PRSS1: variants seen among roughly 807,000 people sequenced by gnomAD.
PRSS1 encodes the protein serine protease 1.
A neutral mutation model predicts 24.2 loss-of-function variants in PRSS1; 22 were observed. That is an observed-to-expected ratio of 0.91 (90% CI 0.65 to 1.30). The LOEUF is 1.30. PRSS1 is among the 50% of genes most tolerant of loss of function. PRSS1 has a pLI of 0.00. For synonymous variants in PRSS1, 126 were observed against 116.1 expected (o/e 1.08, Z -0.55); for missense variants, 366 against 304.2 (o/e 1.20, Z -1.51).
In PRSS1 at chr7:142,750,992, C is replaced by T. The variant is rs749255147; in HGVS notation, c.200+278C>T. 3 of 569,414 alleles carry T rather than the reference C, an allele frequency of 5.3e-6. No homozygotes were observed. In the Admixed American group the frequency reaches 7.8e-5, roughly 15 times the overall value. The allele number at this position is 569,414 out of a possible 1,614,324, so 35.3% of individuals were successfully genotyped here. A position where few individuals can be genotyped will look rare whatever the true frequency, so the allele number is the denominator to read the frequency against. On this transcript the variant is annotated intron_variant, in intron 2 of 4. Coordinates refer to ENST00000311737, the MANE Select transcript of PRSS1 (RefSeq NM_002769.5). ...GCTAGTGAGAAAAGCAGGCAAGTAT[C>T]TTTTGCTGGTTAGCTACACATTAAA...
chr7:142,750,525 T>G, intron 1 of PRSS1, 30 bp from the exon 2 acceptor site: 1 of 1,613,998 alleles, frequency 6.2e-7, no homozygotes, highest in Non-Finnish European at 8.5e-7. Context: ...TGCTATTGAC[T>G]TGCCTTCTCC....
chr7:142,751,687 A>G, intron 2 of PRSS1, 87 bp from the exon 3 acceptor site: 1 of 1,612,892 alleles, frequency 6.2e-7, no homozygotes, highest in African/African-American at 1.3e-5. Context: ...GCTGTCCATG[A>G]GCAGAGAGCT....
intron 2 of PRSS1, 190 bp from the exon 3 acceptor site, chr7:142,751,584 G>GA (rs1798735342): frequency 1.1e-6 from 1 of 898,572 alleles, no homozygotes; most frequent in Non-Finnish European, 1.6e-6. Flanking sequence ...CCAACCTCTG[G>GA]AGCAGATAGG....
At chr7:142,750,430 C>A in intron 1 of PRSS1, 125 bp from the exon 2 acceptor site, 1 of 1,538,190 alleles carries the variant, frequency 6.5e-7, no homozygotes, top group Non-Finnish European at 9.0e-7. Flanking sequence ...TGGCAGAGCT[C>A]CCTCCCTTGC....
At chr7:142,749,570 T>C in intron 1 of PRSS1, 46 bp downstream of exon 1, 1 of 1,590,342 alleles carries the variant, frequency 6.3e-7, no homozygotes, top group African/African-American at 1.4e-5. Flanking sequence ...CCCCCGTTCC[T>C]GGCCGACAAA....
At chr7:142,749,867 T>G (rs893896229) in intron 1 of PRSS1, among the ~76,000 whole-genome samples, 11 of 152,214 alleles carry the variant, frequency 7.2e-5, no homozygotes, top group Admixed American at 1.3e-4. Flanking sequence ...TAACCTCGAA[T>G]GCACCTGGGG....
chr7:142,750,633 C>G lies in PRSS1; in HGVS notation c.119C>G (p.Ser40Cys), dbSNP rs768277012. 19 of 1,613,910 alleles carry G rather than the reference C, an allele frequency of 1.2e-5. No homozygotes were observed. The highest frequency in any genetic ancestry group is 1.5e-5 in the Non-Finnish European group (18 of 1,179,876). ...CEENSVPYQV[S>C]LNSGYHFCGG... ...GAGAATTCTGTCCCCTACCAGGTGT[C>G]CCTGAATTCTGGCTACCACTTCTGT... The change falls in exon 2 of 5, where the codon TCC (serine) becomes TGC (cysteine). Residue 40 changes from serine (S) to cysteine (C), a missense_variant. Ser to Cys is a moderately radical substitution (Grantham distance 112, BLOSUM62 -1). Coordinates refer to ENST00000311737, the MANE Select transcript of PRSS1 (RefSeq NM_002769.5).
intron 2 of PRSS1, chr7:142,751,250 C>A (rs934399248): frequency 2.8e-5 from 17 of 618,040 alleles, no homozygotes; most frequent in African/African-American, 2.0e-4. Context: ...TCACTGGGCC[C>A]CTTCCCCAAG....
Position 142,751,820 on chromosome 7 carries a change from G to C in PRSS1, c.247G>C (p.Gly83Arg), listed in dbSNP as rs372411481. The C allele has an allele frequency of 1.1e-4, 175 of 1,613,964 alleles. No individual in the cohort carries two copies. Among genetic ancestry groups the C allele is most frequent in the Non-Finnish European group, 1.4e-4 (168 of 1,180,010 alleles). ...AGAGCACAACATCGAAGTCCTGGAG[G>C]GGAATGAGCAGTTCATCAATGCAGC... is the stretch of plus-strand genomic sequence containing the variant. ...LGEHNIEVLE[G>R]NEQFINAAKI... The change falls in exon 3 of 5, where the codon GGG (glycine) becomes CGG (arginine). Residue 83 changes from glycine (G) to arginine (R), a missense_variant. Coordinates refer to ENST00000311737, the MANE Select transcript of PRSS1 (RefSeq NM_002769.5).
chr7:142,750,134 C>A (rs1315160172), intron 1 of PRSS1, among the ~76,000 whole-genome samples: 1 of 151,870 alleles, frequency 6.6e-6, no homozygotes, highest in Non-Finnish European at 1.5e-5. Flanking sequence ...GTGGTCATGG[C>A]CAGGTCTATG....
intron 4 of PRSS1, 59 bp downstream of exon 4, chr7:142,752,626 G>C: frequency 2.5e-6 from 4 of 1,613,422 alleles, no homozygotes; most frequent in South Asian, 1.1e-5. Flanking sequence ...CCCCACCAGG[G>C]AAAAGGATTT....
In PRSS1 at chr7:142,751,937, C is replaced by A; in HGVS notation, c.364C>A (p.Arg122Ser). Residue 122 changes from arginine (R) to serine (S), a missense_variant, in exon 3 of 5, where the codon CGC becomes AGC. Coordinates refer to ENST00000311737, the MANE Select transcript of PRSS1 (RefSeq NM_002769.5). The stretch of plus-strand genomic sequence containing the variant: ...CTCCTCACGTGCAGTAATCAACGCC[C>A]GCGTGTCCACCATCTCTCTGCCCAC... The part of the protein sequence containing the change: ...KLSSRAVINA[R>S]VSTISLPTAP... The A allele has an allele frequency of 1.2e-6, 2 of 1,614,048 alleles. No individual in the cohort carries two copies. Among genetic ancestry groups the A allele is most frequent in the Non-Finnish European group, 1.7e-6 (2 of 1,180,000 alleles).
At chr7:142,751,741 G>A (rs1798752798) in intron 2 of PRSS1, 33 bp from the exon 3 acceptor site, 2 of 1,614,058 alleles carry the variant, frequency 1.2e-6, no homozygotes, top group African/African-American at 2.7e-5. Context: ...GGCTGTGGGA[G>A]AAGGTCTTCA....
At chr7:142,750,978 A>C (rs377669553) in intron 2 of PRSS1, 1 of 718,412 alleles carries the variant, frequency 1.4e-6, no homozygotes, top group Admixed American at 2.0e-5. Context: ...CTAGTGAGAA[A>C]AGCAGGCAAG....
In PRSS1 at chr7:142,752,108, C is replaced by T. The variant is rs534924948; in HGVS notation, c.454+81C>T. ...AACCATGCCCCTTAACTTGAATCCT[C>T]TCACCTCCAGGCTTAAGACACATTT... On this transcript the variant is annotated intron_variant, in intron 3 of 4. Transcript: ENST00000311737. 1.6e-5 allele frequency: 26 copies of T among 1,594,990 alleles called. No individual in the cohort carries two copies. The South Asian group carries it at 2.3e-4, about 14-fold the overall frequency.
chr7:142,749,874 G>A (rs1251609637), intron 1 of PRSS1, among the ~76,000 whole-genome samples: 1 of 152,196 alleles, frequency 6.6e-6, no homozygotes, highest in African/African-American at 2.4e-5. Context: ...GAATGCACCT[G>A]GGGAGGTTGA....
intron 3 of PRSS1, 92 bp downstream of exon 3, chr7:142,752,119 G>A: frequency 1.6e-6 from 2 of 1,269,062 alleles, no homozygotes; most frequent in Non-Finnish European, 2.1e-6. Flanking sequence ...TCACCTCCAG[G>A]CTTAAGACAC....
chr7:142,750,349 G>C (rs538181775), intron 1 of PRSS1, among the ~76,000 whole-genome samples: 3 of 105,806 alleles, frequency 2.8e-5, no homozygotes, highest in South Asian at 2.5e-4. Context: ...CGGATCCTCC[G>C]CAGGGTACCT....
intron 1 of PRSS1, 112 bp from the exon 2 acceptor site, chr7:142,750,443 A>G (rs1798603625): frequency 6.3e-7 from 1 of 1,574,836 alleles, no homozygotes; most frequent in South Asian, 1.1e-5. Flanking sequence ...TCCCTTGCCT[A>G]GCCTCACTGT....
Sources: gnomAD v4.1 joint callset for allele counts (sites outside exome capture counted in the v4.1 genomes callset) on GRCh38, gnomAD v4.1.1 for gene constraint, MANE v1.5 for transcripts, NCBI Gene and HGNC (gene_info 2026-07-23, HGNC 2026-07-21) for gene names.